NRK: variants seen among roughly 807,000 people sequenced by gnomAD.
NRK encodes nik-related protein kinase.
Under a neutral mutation model 125.2 loss-of-function variants are expected in NRK, and 67 were observed. That is an observed-to-expected ratio of 0.54 (90% CI 0.44 to 0.66). NRK has a LOEUF of 0.66. Ranked by LOEUF, NRK falls within the 30% of genes least tolerant of loss-of-function variation. The probability of loss-of-function intolerance (pLI) is 0.00; values close to 1 mark genes in which losing one functional copy is unlikely to be tolerated. For missense variants in NRK, 1,224 were observed against 1,192.9 expected (o/e 1.03, Z -0.38); for synonymous variants, 458 against 429.0 (o/e 1.07, Z -0.84).
chrX:105,825,722 T>C (rs1016134282), intron 1 of NRK, among the ~76,000 whole-genome samples: 1 of 111,575 alleles, frequency 9.0e-6, no homozygotes, highest in African/African-American at 3.3e-5. Flanking sequence ...TTTTATACAA[T>C]GATATAACTT....
intron 10 of NRK, 55 bp downstream of exon 10, chrX:105,905,398 G>A (rs948785897): frequency 5.6e-6 from 5 of 893,142 alleles, no homozygotes; most frequent in South Asian, 4.2e-5. Context: ...TTTTATGTTA[G>A]CAAAGAAGTT....
intron 13 of NRK, among the ~76,000 whole-genome samples, chrX:105,912,287 T>C (rs972249764): frequency 6.8e-4 from 75 of 110,784 alleles, no homozygotes; most frequent in Non-Finnish European, 1.2e-3. Context: ...GACAGTTAGT[T>C]TGGTGTTATG....
At position 105,944,002 on chromosome X, in the gene NRK, A is replaced by G. The variant is rs2040780569; in HGVS notation, c.4020A>G (p.Ala1340=). 3 of 1,169,521 alleles carry G rather than the reference A, an allele frequency of 2.6e-6. No individual in the cohort carries two copies. The Admixed American group carries it at 6.8e-5, about 26-fold the overall frequency. Reference sequence around the variant, plus strand: ...TGAAATCATCAATTCACCTTTATGCATGGGCACCAAAGTCCTTTGATGAAA... The same window carrying G: ...TGAAATCATCAATTCACCTTTATGCGTGGGCACCAAAGTCCTTTGATGAAA... ...IALKSSIHLY[A]WAPKSFDEST... Residue 1340 remains alanine, a synonymous_variant, in exon 24 of 29, where the codon GCA becomes GCG. Coordinates refer to ENST00000243300, the MANE Select transcript of NRK (RefSeq NM_198465.4).
intron 22 of NRK, among the ~76,000 whole-genome samples, chrX:105,938,836 A>T (rs1318374283): frequency 3.6e-5 from 4 of 111,928 alleles, no homozygotes; most frequent in African/African-American, 1.3e-4. Flanking sequence ...ATTGACTCAC[A>T]GTTCCACATG....
intron 2 of NRK, among the ~76,000 whole-genome samples, chrX:105,861,633 T>C (rs369521837): frequency 5.3e-5 from 6 of 112,544 alleles, no homozygotes; most frequent in African/African-American, 1.9e-4. Context: ...TCTTTATCCA[T>C]TGAATTGTCT....
chrX:105,894,135 A>G (rs771310407), intron 6 of NRK, among the ~76,000 whole-genome samples, 193 bp downstream of exon 6: 16 of 112,277 alleles, frequency 1.4e-4, no homozygotes, highest in Admixed American at 4.7e-4. Context: ...AAGCTGGGTA[A>G]CAAACTCCTT....
chrX:105,914,537 AT>A (rs1362368960), intron 14 of NRK, among the ~76,000 whole-genome samples: 1 of 110,393 alleles, frequency 9.1e-6, no homozygotes, highest in Non-Finnish European at 1.9e-5. Flanking sequence ...TAGGAATTAT[AT>A]TTTTTATTTT....
chrX:105,862,196 C>T (rs2147681315), intron 2 of NRK, among the ~76,000 whole-genome samples: 1 of 111,873 alleles, frequency 8.9e-6, no homozygotes, highest in African/African-American at 3.2e-5. Flanking sequence ...ATAATTTTGT[C>T]ATCAAGGAAG....
intron 2 of NRK, among the ~76,000 whole-genome samples, chrX:105,876,902 T>C (rs776693584): frequency 3.3e-4 from 37 of 111,677 alleles, no homozygotes; most frequent in African/African-American, 1.2e-3. Context: ...AGGTGGCTTC[T>C]AGGTTCTCTA....
At chrX:105,892,366 T>C (rs1007954619) in intron 5 of NRK, among the ~76,000 whole-genome samples, 9 of 111,807 alleles carry the variant, frequency 8.0e-5, no homozygotes, top group Non-Finnish European at 1.3e-4. Context: ...AGATAAGAAT[T>C]TTCATGGGAC....
rs1468293921 is a variant in NRK, at chrX:105,858,624, A to C, written c.124-21575A>C. 2.7e-5 allele frequency among the ~76,000 whole-genome samples: 3 copies of C among 110,825 alleles called. No individual in the cohort carries two copies. The East Asian group carries it at 8.5e-4, about 32-fold the overall frequency. On this transcript the variant is annotated intron_variant, in intron 2 of 28. Transcript: ENST00000243300. ...CTGGAATTTGTTTCTGCCTCTATAA[A>C]CTGAAAGCATTGCACTAGTATCTGA...
chrX:105,862,690 T>G (rs1382836874), intron 2 of NRK, among the ~76,000 whole-genome samples: 1 of 111,945 alleles, frequency 8.9e-6, no homozygotes, highest in East Asian at 2.8e-4. Flanking sequence ...TATATTGGTT[T>G]TGAAATGGGT....
At chrX:105,870,459 C>T (rs1246069072) in intron 2 of NRK, among the ~76,000 whole-genome samples, 1 of 111,776 alleles carries the variant, frequency 8.9e-6, no homozygotes, top group Non-Finnish European at 1.9e-5. Context: ...ACTTTTGTCC[C>T]CTGTAGATCT....
chrX:105,934,070 C>T (rs893372626), intron 19 of NRK, among the ~76,000 whole-genome samples, 188 bp from the exon 20 acceptor site: 1 of 111,282 alleles, frequency 9.0e-6, no homozygotes, highest in African/African-American at 3.3e-5. Context: ...TACCATCAGT[C>T]ATCTCAATAA....
chrX:105,842,942 C>G (rs1450944913), intron 2 of NRK, among the ~76,000 whole-genome samples: 1 of 111,836 alleles, frequency 8.9e-6, no homozygotes, highest in Non-Finnish European at 1.9e-5. Context: ...CTGAATTCCT[C>G]CCACCTTTCC....
At chrX:105,896,640 G>C (rs2040086701) in intron 7 of NRK, among the ~76,000 whole-genome samples, 1 of 110,347 alleles carries the variant, frequency 9.1e-6, no homozygotes. Flanking sequence ...AGGAGTTCAA[G>C]AGGAGTCTGG....
intron 23 of NRK, among the ~76,000 whole-genome samples, chrX:105,941,800 C>A (rs947331482): frequency 6.3e-5 from 7 of 111,230 alleles, no homozygotes; most frequent in Non-Finnish European, 1.3e-4. Context: ...TTAAAGTGCA[C>A]AATTCAATGG....
intron 2 of NRK, among the ~76,000 whole-genome samples, chrX:105,857,831 C>T (rs960788884): frequency 1.8e-5 from 2 of 111,550 alleles, no homozygotes; most frequent in East Asian, 2.8e-4. Context: ...GCAAAATGTG[C>T]GCATAAACAA....
intron 2 of NRK, among the ~76,000 whole-genome samples, chrX:105,866,515 T>C (rs954231589): frequency 8.9e-6 from 1 of 111,920 alleles, no homozygotes; most frequent in African/African-American, 3.2e-5. Context: ...GAGAAAATCT[T>C]AAATACCAAA....
Sources: allele counts gnomAD v4.1 joint callset (sites outside exome capture counted in the v4.1 genomes callset), GRCh38; gene constraint gnomAD v4.1.1; transcripts MANE v1.5; gene names NCBI Gene and HGNC (gene_info 2026-07-23, HGNC 2026-07-21).